Variants in FHIT observed in about 807,000 individuals in gnomAD.
FHIT encodes the protein fragile histidine triad diadenosine triphosphatase, also known as bis(5'-adenosyl)-triphosphatase.
Under a neutral mutation model 17.9 loss-of-function variants are expected in FHIT, and 19 were observed. That is an observed-to-expected ratio of 1.06 (90% CI 0.74 to 1.56). The LOEUF is 1.56. Among genes scored for constraint, FHIT ranks in the 40% most tolerant of loss-of-function variants. The pLI is 0.00. For missense variants in FHIT, 248 were observed against 189.2 expected, an observed-to-expected ratio of 1.31 and a Z score of -1.82; for synonymous variants, 81 against 69.7, an observed-to-expected ratio of 1.16 and a Z score of -0.81.
intron 7 of FHIT, among the ~76,000 whole-genome samples, chr3:59,952,356 A>G (rs1356782833): frequency 6.6e-6 from 1 of 152,146 alleles, no homozygotes; most frequent in African/African-American, 2.4e-5. Context: ...TATCCCAGAC[A>G]CAGTGGGTTG....
chr3:60,275,413 C>A (rs1341856024), intron 5 of FHIT, among the ~76,000 whole-genome samples: 1 of 152,162 alleles, frequency 6.6e-6, no homozygotes, highest in Non-Finnish European at 1.5e-5. Context: ...AGAACAAGCC[C>A]AGAACTCCAT....
At chr3:61,122,998 A>G (rs1388995648) in intron 2 of FHIT, among the ~76,000 whole-genome samples, 2 of 152,212 alleles carry the variant, frequency 1.3e-5, no homozygotes, top group African/African-American at 4.8e-5. Flanking sequence ...CAATCCCATT[A>G]CTGGGTATAT....
intron 4 of FHIT, among the ~76,000 whole-genome samples, chr3:60,654,164 C>T (rs1470701106): frequency 6.6e-6 from 1 of 152,170 alleles, no homozygotes. Context: ...CCCTAGAAGC[C>T]GAGCCAGCAC....
chr3:61,044,898 G>A (rs1354770311), intron 2 of FHIT, among the ~76,000 whole-genome samples: 1 of 152,158 alleles, frequency 6.6e-6, no homozygotes. Context: ...CACAAGTGAA[G>A]GAGAAATAAA....
chr3:60,341,184 A>G (rs977000959), intron 5 of FHIT, among the ~76,000 whole-genome samples: 2 of 152,084 alleles, frequency 1.3e-5, no homozygotes, highest in African/African-American at 2.4e-5. Context: ...TTCTCATTCC[A>G]CCGTGGGGGT....
At chr3:60,749,767 A>G (rs2042430578) in intron 4 of FHIT, among the ~76,000 whole-genome samples, 1 of 152,228 alleles carries the variant, frequency 6.6e-6, no homozygotes, top group Non-Finnish European at 1.5e-5. Context: ...TCATTTGCCT[A>G]AAGCCATAAC....
intron 5 of FHIT, among the ~76,000 whole-genome samples, chr3:60,015,178 T>C (rs184803793): frequency 1.2e-4 from 19 of 152,280 alleles, no homozygotes; most frequent in Admixed American, 3.9e-4. Flanking sequence ...AAACCATAAT[T>C]CTGCAATTGC....
chr3:60,098,061 C>T (rs1396925261), intron 5 of FHIT, among the ~76,000 whole-genome samples: 3 of 151,414 alleles, frequency 2.0e-5, no homozygotes, highest in Non-Finnish European at 2.9e-5. Context: ...TTTTTTATGG[C>T]TGCATAGTAT....
At chr3:60,527,421 AGATAAAAAGAAGTTCTT>A (rs1365224177) in intron 5 of FHIT, among the ~76,000 whole-genome samples, 1 of 152,358 alleles carries the variant, frequency 6.6e-6, no homozygotes, top group East Asian at 1.9e-4. Flanking sequence ...TTAATCTTAA[AGATAAAAAGAAGTTCTT>A]GATAACTTCA....
intron 7 of FHIT, among the ~76,000 whole-genome samples, chr3:60,002,069 C>G (rs1228589067): frequency 6.6e-6 from 1 of 152,092 alleles, no homozygotes; most frequent in Non-Finnish European, 1.5e-5. Flanking sequence ...GGTGTGTTCA[C>G]TTTGTTAACT....
At chr3:60,716,402 ACT>A (rs2107951802) in intron 4 of FHIT, among the ~76,000 whole-genome samples, 1 of 152,072 alleles carries the variant, frequency 6.6e-6, no homozygotes, top group South Asian at 2.1e-4. Flanking sequence ...ATTTTTTTAA[ACT>A]TTTTTTTGTT....
intron 5 of FHIT, among the ~76,000 whole-genome samples, chr3:60,529,104 G>A (rs1576819014): frequency 6.6e-6 from 1 of 152,160 alleles, no homozygotes; most frequent in South Asian, 2.1e-4. Flanking sequence ...GTATTGTAGA[G>A]GTTTTTAAGG....
Position 60,896,818 on chromosome 3 carries a change from G to A in FHIT, c.-110-74807C>T, listed in dbSNP as rs147770261. Among the ~76,000 whole-genome samples the A allele has an allele frequency of 7.9e-3, 1,205 of 152,016 alleles. 3 individuals carry two copies. The highest frequency in any genetic ancestry group is 0.013 in the Non-Finnish European group (908 of 67,982). On this transcript the variant is annotated intron_variant, in intron 3 of 9. Transcript: ENST00000492590. ...CATCTTGTTATTTAATGTTATTTCG[G>A]AATATACAAACCATGAACATGGTTT...
At chr3:60,522,106 G>GTTT (rs372184170) in intron 5 of FHIT, among the ~76,000 whole-genome samples, 7,195 of 133,252 alleles carry the variant, frequency 0.054, 382 homozygotes, top group Middle Eastern at 0.096. Flanking sequence ...GCAACCAGAA[G>GTTT]TTTTTTTTTT....
At chr3:60,159,786 G>A (rs1486592370) in intron 5 of FHIT, among the ~76,000 whole-genome samples, 1 of 152,140 alleles carries the variant, frequency 6.6e-6, no homozygotes, top group Non-Finnish European at 1.5e-5. Context: ...CAAGTCACTA[G>A]GTTAATAAAT....
chr3:60,378,082 A>T (rs1449572949), intron 5 of FHIT, among the ~76,000 whole-genome samples: 4 of 152,032 alleles, frequency 2.6e-5, no homozygotes, highest in African/African-American at 9.7e-5. Flanking sequence ...GCTGGAGTGC[A>T]GTGGCGCGAT....
intron 2 of FHIT, among the ~76,000 whole-genome samples, chr3:61,147,054 A>G (rs1010650579): frequency 2.0e-5 from 3 of 151,928 alleles, no homozygotes; most frequent in Admixed American, 1.3e-4. Context: ...TGCTTCCAAC[A>G]AAACTCTTCT....
At chr3:60,092,283 GT>G (rs1703765815) in intron 5 of FHIT, among the ~76,000 whole-genome samples, 1 of 152,144 alleles carries the variant, frequency 6.6e-6, no homozygotes, top group Non-Finnish European at 1.5e-5. Context: ...TACCATGTGA[GT>G]TTTGATTACA....
intron 5 of FHIT, among the ~76,000 whole-genome samples, chr3:60,216,474 A>G (rs1703703829): frequency 6.6e-6 from 1 of 152,158 alleles, no homozygotes; most frequent in Non-Finnish European, 1.5e-5. Context: ...GTCATGTTCT[A>G]TTTCTTCACT....
Sources: allele counts gnomAD v4.1 joint callset (sites outside exome capture counted in the v4.1 genomes callset), GRCh38; gene constraint gnomAD v4.1.1; transcripts MANE v1.5; gene names NCBI Gene and HGNC (gene_info 2026-07-23, HGNC 2026-07-21).